The following ARHGAP29 variants were observed in gnomAD, a reference collection of about 807,000 sequenced individuals.
ARHGAP29 encodes the protein Rho GTPase activating protein 29.
Under a neutral mutation model 122.6 loss-of-function variants are expected in ARHGAP29, and 43 were observed. The observed-to-expected ratio is 0.35, with a 90% CI of 0.27 to 0.45. The LOEUF (loss-of-function observed/expected upper bound fraction) is 0.45, where lower values mean the gene tolerates loss of function less well. Among genes scored for constraint, ARHGAP29 ranks in the 20% least tolerant of loss-of-function variants. The pLI, the probability that ARHGAP29 is intolerant of heterozygous loss-of-function variation, is 1.00. For missense variants in ARHGAP29, 1,303 were observed against 1,477.2 expected (o/e 0.88, Z 1.93); for synonymous variants, 506 against 497.1 (o/e 1.02, Z -0.24).
intron 4 of ARHGAP29, 137 bp downstream of exon 4, chr1:94,209,117 C>T (rs1651410476): frequency 3.8e-6 from 3 of 796,604 alleles, no homozygotes; most frequent in Non-Finnish European, 6.1e-6. Context: ...TAAGGCCATA[C>T]AGAAGGTAGT....
At chr1:94,215,275 T>C (rs1651892632) in intron 3 of ARHGAP29, among the ~76,000 whole-genome samples, 1 of 151,770 alleles carries the variant, frequency 6.6e-6, no homozygotes. Context: ...TATATTTTCC[T>C]TAATTTAATC....
At position 94,201,817 on chromosome 1, in the gene ARHGAP29, T is replaced by G; in HGVS notation, c.1184A>C (p.Asn395Thr). 6.2e-7 allele frequency: 1 copy of G among 1,613,154 alleles called. No homozygotes were observed. The highest frequency in any genetic ancestry group is 8.5e-7 in the Non-Finnish European group (1 of 1,179,584). The stretch of plus-strand genomic sequence containing the variant: ...TAGATCATTTCTTCTTTCTTCAACA[T>G]TTGTCACACAAACTTTGTAAAGTTC... ...ANELYKVCVT[N>T]VEERRNDLEN... is the part of the protein sequence containing the mutation. The change falls in exon 12 of 23, where the codon AAT becomes ACT. Residue 395 changes from asparagine (N) to threonine (T), a missense_variant. By Grantham distance (65) the Asn-to-Thr change is moderately conservative. Around this residue, in one of 3 missense-constraint regions of ARHGAP29, gnomAD observed 592 missense variants for 648.2 expected, o/e 0.91. Transcript: ENST00000260526.
upstream of ARHGAP29, among the ~76,000 whole-genome samples, chr1:94,278,953 A>G (rs1655270293): frequency 6.6e-6 from 1 of 152,204 alleles, no homozygotes; most frequent in Admixed American, 6.5e-5. Context: ...TTCAGTGATC[A>G]TTAGGAAAAG....
At chr1:94,274,833 T>C (rs1185093302) in intron 1 of ARHGAP29, among the ~76,000 whole-genome samples, 1 of 152,240 alleles carries the variant, frequency 6.6e-6, no homozygotes. Flanking sequence ...CCGGTCTCCA[T>C]GGGCTTCAAG....
At chr1:94,285,977 GA>G in the ARHGAP29 span, among the ~76,000 whole-genome samples, 2 of 151,874 alleles carry the variant, frequency 1.3e-5, no homozygotes, top group Non-Finnish European at 2.9e-5. Context: ...GAAAGAACAT[GA>G]CTTGTTCTAG....
chr1:94,173,707 A>G lies in ARHGAP29; in HGVS notation c.*162T>C. 1.3e-6 allele frequency: 1 copy of G among 768,378 alleles called. No homozygotes were observed. The highest frequency in any genetic ancestry group is 2.0e-6 in the Non-Finnish European group (1 of 489,866). The allele number at this position is 768,378 out of a possible 1,614,324, so 47.6% of individuals were successfully genotyped here. ...TGTGACCCTATCAAAACATTCTACC[A>G]TTCAGTATTACCAACAGAGGATAAA... On this transcript the variant is annotated 3_prime_UTR_variant, in exon 23 of 23. Transcript: ENST00000260526.
the ARHGAP29 span, among the ~76,000 whole-genome samples, chr1:94,286,251 T>G: frequency 0.051 from 7,736 of 152,252 alleles, 674 homozygotes; most frequent in African/African-American, 0.18. Flanking sequence ...CCACTCTTAT[T>G]ACCTCATTTA....
chr1:94,277,372 C>T (rs1036933947), upstream of ARHGAP29, among the ~76,000 whole-genome samples: 14 of 152,078 alleles, frequency 9.2e-5, no homozygotes, highest in Admixed American at 3.3e-4. Context: ...TGGATTTGGA[C>T]GATCAACATT....
At chr1:94,304,568 G>A in the ARHGAP29 span, among the ~76,000 whole-genome samples, 30 of 152,308 alleles carry the variant, frequency 2.0e-4, no homozygotes, top group Admixed American at 9.2e-4. Context: ...AACACATAAT[G>A]TACTGCTTAA....
At chr1:94,299,358 A>G in the ARHGAP29 span, among the ~76,000 whole-genome samples, 1 of 152,194 alleles carries the variant, frequency 6.6e-6, no homozygotes, top group Non-Finnish European at 1.5e-5. Flanking sequence ...CATCGCTGGC[A>G]TTTGAAATAC....
intron 3 of ARHGAP29, among the ~76,000 whole-genome samples, chr1:94,211,492 T>C (rs1243099910): frequency 6.6e-6 from 1 of 152,044 alleles, no homozygotes; most frequent in Non-Finnish European, 1.5e-5. Flanking sequence ...AGAACAACAC[T>C]ATCTACCACC....
At chr1:94,232,499 A>G (rs764949053) in intron 1 of ARHGAP29, among the ~76,000 whole-genome samples, 1 of 152,198 alleles carries the variant, frequency 6.6e-6, no homozygotes, top group African/African-American at 2.4e-5. Flanking sequence ...CATCAGAGCA[A>G]TATTTTTGAT....
chr1:94,254,680 C>T (rs541075268), intron 1 of ARHGAP29, among the ~76,000 whole-genome samples: 8 of 152,210 alleles, frequency 5.3e-5, no homozygotes, highest in Admixed American at 1.3e-4. Context: ...ATGAGTAGAC[C>T]GGTAGGCAAG....
intron 7 of ARHGAP29, 58 bp downstream of exon 7, chr1:94,205,003 G>A (rs1651101751): frequency 7.0e-7 from 1 of 1,422,530 alleles, no homozygotes; most frequent in African/African-American, 1.5e-5. Context: ...TGTAAAAAAT[G>A]AGTTAGAAAC....
chr1:94,178,137 C>T lies in ARHGAP29; in HGVS notation c.2511G>A (p.Met837Ile). The T allele has an allele frequency of 6.2e-7, 1 of 1,613,748 alleles. No individual in the cohort carries two copies. The highest frequency in any genetic ancestry group is 8.5e-7 in the Non-Finnish European group (1 of 1,179,858). Residue 837 changes from methionine (M) to isoleucine (I), a missense_variant, in exon 21 of 23, where the codon ATG (methionine) becomes ATA (isoleucine). By Grantham distance (10) the Met-to-Ile change is conservative. This residue lies in a region of ARHGAP29 where 620 missense variants were observed against 651.2 expected (regional missense o/e 0.95). Coordinates refer to ENST00000260526, the MANE Select transcript of ARHGAP29 (RefSeq NM_004815.4). ...ATATCACCCCCAAGTTTTTGGAGTTCATCTTGTTTTCTTCTGCATGATCTA... is the reference window on the plus strand; with the variant it reads ...ATATCACCCCCAAGTTTTTGGAGTTTATCTTGTTTTCTTCTGCATGATCTA... ...RVVDHAEENKMNSKNLGVIFG... is the reference protein window; with the variant it reads ...RVVDHAEENKINSKNLGVIFG...
Position 94,179,806 on chromosome 1 carries a change from A to G in ARHGAP29, c.2399T>C (p.Leu800Pro). The change falls in exon 20 of 23, where the codon CTT becomes CCT. Residue 800 changes from leucine (L) to proline (P), a missense_variant. By Grantham distance (98) the Leu-to-Pro change is moderately conservative (BLOSUM62 -3). Around this residue, in one of 3 missense-constraint regions of ARHGAP29, gnomAD observed 620 missense variants for 651.2 expected, o/e 0.95. Coordinates refer to ENST00000260526, the MANE Select transcript of ARHGAP29 (RefSeq NM_004815.4). The part of the protein sequence containing the change: ...PNMCIEINRI[L>P]LKSKDLLRQL... ...TCTTAGAAGGTCTTTGCTTTTTAGA[A>G]GAATTCGGTTTATTTCTATACACAT... is the stretch of plus-strand genomic sequence containing the variant. 6.2e-7 allele frequency: 1 copy of G among 1,613,550 alleles called. No homozygotes were observed. The highest frequency in any genetic ancestry group is 8.5e-7 in the Non-Finnish European group (1 of 1,179,698).
At chr1:94,301,207 CTT>C in the ARHGAP29 span, among the ~76,000 whole-genome samples, 1 of 152,214 alleles carries the variant, frequency 6.6e-6, no homozygotes, top group Non-Finnish European at 1.5e-5. Context: ...CACAATACCT[CTT>C]GTTAGTTTTT....
intron 5 of ARHGAP29, among the ~76,000 whole-genome samples, chr1:94,207,040 A>G (rs536378833): frequency 6.6e-6 from 1 of 151,448 alleles, no homozygotes; most frequent in Non-Finnish European, 1.5e-5. Flanking sequence ...ACAGAGTCTC[A>G]CTCTGTCACC....
At chr1:94,292,093 C>T in the ARHGAP29 span, among the ~76,000 whole-genome samples, 96 of 152,328 alleles carry the variant, frequency 6.3e-4, no homozygotes, top group Admixed American at 1.0e-3. Flanking sequence ...ATACACCATT[C>T]AAACGTAGAT....
Sources: gnomAD v4.1 joint callset for allele counts (sites outside exome capture counted in the v4.1 genomes callset) on GRCh38, gnomAD v4.1.1 for gene constraint, gnomAD v4.1.1 regional missense constraint, MANE v1.5 for transcripts, NCBI Gene and HGNC (gene_info 2026-07-23, HGNC 2026-07-21) for gene names.